Variants in CADM1 observed in about 807,000 individuals in gnomAD.
CADM1 encodes TSLC-1.
In CADM1, 15 loss-of-function variants were observed where a neutral mutation model predicts 53.1. The observed-to-expected ratio is 0.28, with a 90% CI of 0.19 to 0.44. The LOEUF is 0.44. Ranked by LOEUF, CADM1 falls within the 20% of genes least tolerant of loss-of-function variation. The pLI is 1.00. For synonymous variants in CADM1, 281 were observed against 243.0 expected (o/e 1.16, Z -1.45); for missense variants, 434 against 611.3 (o/e 0.71, Z 3.06).
At chr11:115,295,104 T>C (rs1944015676) in intron 1 of CADM1, among the ~76,000 whole-genome samples, 1 of 152,120 alleles carries the variant, frequency 6.6e-6, no homozygotes. Context: ...TTAGTTAATC[T>C]AGTTTGCTTA....
In CADM1 at chr11:115,199,660, C is replaced by G. The variant is rs193169516; in HGVS notation, c.1079-1222G>C. ...CAACCTCATTCCAATGTCAACCCAT[C>G]TGGCCATACTTTCATTTTGAGTTCT... On this transcript the variant is annotated intron_variant, in intron 8 of 11. Transcript: ENST00000331581. Among the ~76,000 whole-genome samples the G allele has an allele frequency of 2.0e-3, 307 of 152,340 alleles. 1 individual carries two copies. Among genetic ancestry groups the G allele is most frequent in the Non-Finnish European group, 3.4e-3 (232 of 68,036 alleles).
intron 1 of CADM1, among the ~76,000 whole-genome samples, chr11:115,307,282 T>G (rs990521699): frequency 6.6e-6 from 1 of 151,910 alleles, no homozygotes; most frequent in Admixed American, 6.6e-5. Context: ...AAATAATTTT[T>G]AGCAATTTTC....
chr11:115,418,782 G>T (rs922259312), intron 1 of CADM1, among the ~76,000 whole-genome samples: 1 of 152,160 alleles, frequency 6.6e-6, no homozygotes, highest in East Asian at 1.9e-4. Flanking sequence ...AAGAGATTAG[G>T]GTTTAATTTA....
intron 1 of CADM1, among the ~76,000 whole-genome samples, chr11:115,268,918 G>A (rs955712761): frequency 2.0e-5 from 3 of 152,050 alleles, no homozygotes; most frequent in African/African-American, 7.2e-5. Flanking sequence ...TTTTCAGTTC[G>A]ACACACAGGT....
intron 1 of CADM1, among the ~76,000 whole-genome samples, chr11:115,388,284 G>A (rs1488753484): frequency 6.6e-6 from 1 of 152,102 alleles, no homozygotes; most frequent in African/African-American, 2.4e-5. Context: ...TGAATGGATA[G>A]AAAAATTCTT....
At chr11:115,346,954 C>CA (rs902022269) in intron 1 of CADM1, among the ~76,000 whole-genome samples, 30 of 149,230 alleles carry the variant, frequency 2.0e-4, no homozygotes, top group Admixed American at 6.0e-4. Flanking sequence ...AAGGAAAAAA[C>CA]AAAAAAAAAC....
intron 5 of CADM1, 126 bp downstream of exon 5, chr11:115,228,987 T>C: frequency 1.1e-6 from 1 of 929,776 alleles, no homozygotes; most frequent in Non-Finnish European, 1.7e-6. Context: ...TAATCCTTTA[T>C]TTTTCTAGCA....
chr11:115,470,854 A>G (rs1948996217), intron 1 of CADM1, among the ~76,000 whole-genome samples: 1 of 152,142 alleles, frequency 6.6e-6, no homozygotes, highest in African/African-American at 2.4e-5. Flanking sequence ...TATTATCCCA[A>G]TTTTTTATCA....
chr11:115,449,574 CAGAT>C (rs1455267140), intron 1 of CADM1, among the ~76,000 whole-genome samples: 1 of 152,184 alleles, frequency 6.6e-6, no homozygotes, highest in Admixed American at 6.5e-5. Flanking sequence ...ACTTAAAACT[CAGAT>C]GGAGAAAATT....
chr11:115,396,127 C>T (rs763884840), intron 1 of CADM1, among the ~76,000 whole-genome samples: 1 of 152,194 alleles, frequency 6.6e-6, no homozygotes, highest in South Asian at 2.1e-4. Context: ...ATAATGCTAA[C>T]GTGCTATGAG....
chr11:115,432,657 C>T (rs1050883876), intron 1 of CADM1, among the ~76,000 whole-genome samples: 7 of 152,152 alleles, frequency 4.6e-5, no homozygotes, highest in African/African-American at 1.7e-4. Flanking sequence ...GAATCAATTA[C>T]CCAAACTTCC....
chr11:115,450,781 C>T (rs939539711), intron 1 of CADM1, among the ~76,000 whole-genome samples: 2 of 152,192 alleles, frequency 1.3e-5, no homozygotes, highest in African/African-American at 4.8e-5. Context: ...GTTTCTAGTT[C>T]AGAAACATTT....
rs538544611 is a variant in CADM1, at chr11:115,308,427, A to G, written c.125-68007T>C. 2.0e-5 allele frequency among the ~76,000 whole-genome samples: 3 copies of G among 152,034 alleles called. No homozygotes were observed. In the South Asian group the frequency reaches 6.2e-4, roughly 32 times the overall value. On this transcript the variant is annotated intron_variant, in intron 1 of 11. Coordinates refer to ENST00000331581, the MANE Select transcript of CADM1 (RefSeq NM_001301043.2). Reference sequence around the variant, plus strand: ...GATGCTTCATATATACAGAAATTGTAACCACTGTTAATTCTTTATCTGTCT... The same window carrying G: ...GATGCTTCATATATACAGAAATTGTGACCACTGTTAATTCTTTATCTGTCT...
At chr11:115,408,934 G>A (rs968204235) in intron 1 of CADM1, among the ~76,000 whole-genome samples, 7 of 152,088 alleles carry the variant, frequency 4.6e-5, no homozygotes, top group African/African-American at 1.7e-4. Flanking sequence ...TTTTAATCCG[G>A]TAATATGAAA....
intron 1 of CADM1, among the ~76,000 whole-genome samples, chr11:115,412,858 AT>A (rs112920900): frequency 0.015 from 2,219 of 152,294 alleles, 74 homozygotes; most frequent in African/African-American, 0.05. Flanking sequence ...AGAATGCAAT[AT>A]TTTCCACAAG....
At chr11:115,330,208 C>G (rs1945095774) in intron 1 of CADM1, among the ~76,000 whole-genome samples, 1 of 151,874 alleles carries the variant, frequency 6.6e-6, no homozygotes, top group Non-Finnish European at 1.5e-5. Flanking sequence ...GTACAGTCAG[C>G]TTTTTATTTA....
chr11:115,433,954 C>G (rs1156952766), intron 1 of CADM1, among the ~76,000 whole-genome samples: 1 of 152,052 alleles, frequency 6.6e-6, no homozygotes, highest in Non-Finnish European at 1.5e-5. Context: ...TCAAATAGCC[C>G]CCTGAATTTA....
intron 1 of CADM1, among the ~76,000 whole-genome samples, chr11:115,340,646 A>T (rs1565375072): frequency 3.8e-4 from 13 of 34,574 alleles, no homozygotes; most frequent in East Asian, 5.5e-4. Flanking sequence ...ATATATATAT[A>T]TATATATATA....
chr11:115,442,178 C>T (rs971462222), intron 1 of CADM1, among the ~76,000 whole-genome samples: 8 of 151,658 alleles, frequency 5.3e-5, no homozygotes, highest in African/African-American at 9.7e-5. Context: ...TGGTGACAAA[C>T]AAGGATTAGA....
Sources: gnomAD v4.1 joint callset for allele counts (sites outside exome capture counted in the v4.1 genomes callset) on GRCh38, gnomAD v4.1.1 for gene constraint, MANE v1.5 for transcripts, NCBI Gene and HGNC (gene_info 2026-07-23, HGNC 2026-07-21) for gene names.